Variants in ARHGAP26 observed in about 807,000 individuals in gnomAD.
The protein encoded by ARHGAP26 is rho GTPase-activating protein 26.
A neutral mutation model predicts 104.8 loss-of-function variants in ARHGAP26; 38 were observed. The ratio of observed to expected loss-of-function variants is 0.36; its 90% CI spans 0.28 to 0.48. The LOEUF (loss-of-function observed/expected upper bound fraction) is 0.48, where lower values mean the gene tolerates loss of function less well. ARHGAP26 is among the 20% of genes least tolerant of loss of function. The probability of loss-of-function intolerance (pLI) is 0.99; values close to 1 mark genes in which losing one functional copy is unlikely to be tolerated. For synonymous variants in ARHGAP26, 341 were observed against 340.0 expected (o/e 1.00, Z -0.03); for missense variants, 704 against 947.9 (o/e 0.74, Z 3.38).
At chr5:142,790,058 A>G (rs1257772230) in intron 1 of ARHGAP26, among the ~76,000 whole-genome samples, 1 of 152,176 alleles carries the variant, frequency 6.6e-6, no homozygotes, top group East Asian at 1.9e-4. Flanking sequence ...TATGGTAGGC[A>G]TTGTTGTAGT....
chr5:142,878,684 A>C (rs889487577), intron 3 of ARHGAP26, among the ~76,000 whole-genome samples: 2 of 152,174 alleles, frequency 1.3e-5, no homozygotes, highest in East Asian at 3.8e-4. Context: ...TAATTACATG[A>C]AGGAGCTGTC....
intron 1 of ARHGAP26, among the ~76,000 whole-genome samples, chr5:142,872,416 A>G (rs1017107070): frequency 2.0e-5 from 3 of 152,152 alleles, no homozygotes; most frequent in African/African-American, 7.2e-5. Context: ...TTTGGACATA[A>G]TGCCATTTCC....
At chr5:143,176,543 A>G (rs550255610) in intron 20 of ARHGAP26, among the ~76,000 whole-genome samples, 59 of 152,294 alleles carry the variant, frequency 3.9e-4, no homozygotes, top group Non-Finnish European at 4.4e-4. Flanking sequence ...ATGCATTGAC[A>G]TAGAAGTCCT....
chr5:143,027,551 C>A (rs1781242757), intron 12 of ARHGAP26, among the ~76,000 whole-genome samples: 1 of 151,822 alleles, frequency 6.6e-6, no homozygotes, highest in Non-Finnish European at 1.5e-5. Context: ...ACCAATTCAT[C>A]CATTTTTTAC....
At chr5:143,071,235 G>C (rs1425463961) in intron 17 of ARHGAP26, among the ~76,000 whole-genome samples, 2 of 152,112 alleles carry the variant, frequency 1.3e-5, no homozygotes, top group African/African-American at 4.8e-5. Flanking sequence ...ATACTACGAA[G>C]CTGTAGTAAC....
intron 11 of ARHGAP26, among the ~76,000 whole-genome samples, chr5:142,941,930 A>C (rs1442962101): frequency 6.6e-6 from 1 of 152,168 alleles, no homozygotes; most frequent in African/African-American, 2.4e-5. Flanking sequence ...TTGAGCAAAT[A>C]TATTTAGATT....
intron 20 of ARHGAP26, among the ~76,000 whole-genome samples, chr5:143,155,231 G>C (rs1229235151): frequency 1.3e-5 from 2 of 152,154 alleles, no homozygotes; most frequent in African/African-American, 4.8e-5. Flanking sequence ...CTCGTTCATT[G>C]TTGTTTCTTG....
At position 143,031,030 on chromosome 5, in the gene ARHGAP26, TC is replaced by T. The variant is rs200484440; in HGVS notation, c.1145-6165del. Among the ~76,000 whole-genome samples the T allele has an allele frequency of 5.8e-3, 883 of 152,352 alleles. 34 individuals carry two copies. The South Asian group carries it at 0.092, about 16-fold the overall frequency. ...CTAGGTGGGAACGTCTGAGTGAGTT[TC>T]TTGAGGAAAGGACACTTGAGGGTAA... On this transcript the variant is annotated intron_variant, in intron 12 of 22. Transcript: ENST00000645722.
intron 14 of ARHGAP26, among the ~76,000 whole-genome samples, chr5:143,044,166 G>GAAGAC (rs752237137): frequency 2.0e-5 from 3 of 152,102 alleles, no homozygotes; most frequent in Non-Finnish European, 2.9e-5. Context: ...AAAGTGTCAA[G>GAAGAC]AAGACAATTC....
At chr5:143,120,911 A>G in intron 17 of ARHGAP26, 77 bp from the exon 18 acceptor site, 1 of 1,414,630 alleles carries the variant, frequency 7.1e-7, no homozygotes, top group Non-Finnish European at 9.5e-7. Flanking sequence ...ATAGGAAGAT[A>G]GGAAGGATAC....
chr5:142,848,084 T>C (rs1772381233), intron 1 of ARHGAP26, among the ~76,000 whole-genome samples: 1 of 152,144 alleles, frequency 6.6e-6, no homozygotes, highest in Non-Finnish European at 1.5e-5. Context: ...CAAGCTTTAG[T>C]TGGTGAAGGG....
At chr5:142,975,848 A>C (rs35932484) in intron 11 of ARHGAP26, among the ~76,000 whole-genome samples, 1,976 of 152,364 alleles carry the variant, frequency 0.013, 20 homozygotes, top group Middle Eastern at 0.041. Context: ...TGTACCATAC[A>C]TGTATTTATC....
intron 10 of ARHGAP26, chr5:142,915,750 C>T (rs539782646): frequency 6.6e-6 from 1 of 152,326 alleles, no homozygotes; most frequent in Admixed American, 6.5e-5. Context: ...GATTAGGTTA[C>T]AATACAGCAG....
chr5:143,107,728 T>C (rs1216159294), intron 17 of ARHGAP26, among the ~76,000 whole-genome samples: 1 of 152,214 alleles, frequency 6.6e-6, no homozygotes, highest in Non-Finnish European at 1.5e-5. Flanking sequence ...AATCGTTCGG[T>C]GTCTTTGTTA....
chr5:143,055,754 G>A (rs1376110002), intron 15 of ARHGAP26, among the ~76,000 whole-genome samples: 1 of 152,192 alleles, frequency 6.6e-6, no homozygotes, highest in African/African-American at 2.4e-5. Context: ...GACTGAAAAG[G>A]AAATCTCTTA....
At chr5:143,023,193 C>T (rs1280586395) in intron 12 of ARHGAP26, among the ~76,000 whole-genome samples, 3 of 152,184 alleles carry the variant, frequency 2.0e-5, no homozygotes, top group South Asian at 2.1e-4. Flanking sequence ...TTCTTTAGGC[C>T]GTCATTCAGA....
At chr5:142,970,381 A>G (rs1772081279) in intron 11 of ARHGAP26, among the ~76,000 whole-genome samples, 1 of 152,336 alleles carries the variant, frequency 6.6e-6, no homozygotes, top group African/African-American at 2.4e-5. Flanking sequence ...TGGTTCATGT[A>G]TCTGAAAATT....
intron 20 of ARHGAP26, among the ~76,000 whole-genome samples, chr5:143,167,743 A>G (rs1304358480): frequency 6.6e-6 from 1 of 152,108 alleles, no homozygotes; most frequent in Non-Finnish European, 1.5e-5. Flanking sequence ...TGTCTTGCCT[A>G]CCAGAATATC....
At chr5:143,052,850 G>C (rs1165781478) in intron 14 of ARHGAP26, among the ~76,000 whole-genome samples, 3 of 152,180 alleles carry the variant, frequency 2.0e-5, no homozygotes, top group Non-Finnish European at 2.9e-5. Context: ...GGTCCTGCAG[G>C]AGGAACAGCT....
Sources: allele counts gnomAD v4.1 joint callset (sites outside exome capture counted in the v4.1 genomes callset), GRCh38; gene constraint gnomAD v4.1.1; transcripts MANE v1.5; gene names NCBI Gene and HGNC (gene_info 2026-07-23, HGNC 2026-07-21).